Variants in RBFOX1 observed in about 807,000 individuals in gnomAD.
The protein encoded by RBFOX1 is RNA binding protein fox-1 homolog 1.
A neutral mutation model predicts 57.7 loss-of-function variants in RBFOX1; 8 were observed. The ratio of observed to expected loss-of-function variants is 0.14; its 90% confidence interval spans 0.08 to 0.25. RBFOX1 has a LOEUF of 0.25. RBFOX1 is among the 10% of genes least tolerant of loss of function. The pLI is 1.00. For missense variants in RBFOX1, 611 were observed against 548.5 expected (o/e 1.11, Z -1.14); for synonymous variants, 326 against 222.4 (o/e 1.47, Z -4.15).
At chr16:5,742,222 C>CCCTT (rs1220669679) in intron 3 of RBFOX1, among the ~76,000 whole-genome samples, 2 of 55,414 alleles carry the variant, frequency 3.6e-5, no homozygotes, top group Non-Finnish European at 8.4e-5. Context: ...TTTCCTTCCT[C>CCCTT]CCTTCCTTCC....
At chr16:5,535,670 T>C (rs530536369) in intron 2 of RBFOX1, among the ~76,000 whole-genome samples, 1 of 152,318 alleles carries the variant, frequency 6.6e-6, no homozygotes, top group South Asian at 2.1e-4. Flanking sequence ...TGTTTCTTGA[T>C]TGCAGAATTT....
intron 1 of RBFOX1, among the ~76,000 whole-genome samples, chr16:5,310,095 C>T (rs912147913): frequency 6.6e-6 from 1 of 152,206 alleles, no homozygotes; most frequent in Non-Finnish European, 1.5e-5. Context: ...CTTTCCTGAT[C>T]TGCCCTGGCT....
intron 4 of RBFOX1, among the ~76,000 whole-genome samples, chr16:7,338,070 C>G (rs1303520293): frequency 1.3e-5 from 2 of 152,240 alleles, no homozygotes; most frequent in South Asian, 2.1e-4. Flanking sequence ...TTTGTAAGTT[C>G]CAGGGTACAT....
At chr16:5,788,738 T>C (rs1433994304) in intron 3 of RBFOX1, among the ~76,000 whole-genome samples, 1 of 151,944 alleles carries the variant, frequency 6.6e-6, no homozygotes, top group African/African-American at 2.4e-5. Flanking sequence ...CACATACACA[T>C]ACACATTCAC....
chr16:7,658,972 A>T (rs1302834776), intron 12 of RBFOX1, among the ~76,000 whole-genome samples: 1 of 152,040 alleles, frequency 6.6e-6, no homozygotes, highest in Non-Finnish European at 1.5e-5. Context: ...TGATCTGCCC[A>T]CCTCAGCCTC....
At chr16:7,109,626 G>C (rs941151039) in intron 4 of RBFOX1, among the ~76,000 whole-genome samples, 5 of 152,126 alleles carry the variant, frequency 3.3e-5, no homozygotes, top group Non-Finnish European at 7.3e-5. Context: ...AGGGGAAAGG[G>C]CTCTAAGAGT....
intron 2 of RBFOX1, among the ~76,000 whole-genome samples, chr16:5,559,752 A>G (rs1436657043): frequency 6.6e-6 from 1 of 152,212 alleles, no homozygotes; most frequent in African/African-American, 2.4e-5. Context: ...AAAAGTCTTC[A>G]GTGATAACCA....
At chr16:5,397,041 AG>A (rs1370198252) in intron 1 of RBFOX1, among the ~76,000 whole-genome samples, 1 of 152,178 alleles carries the variant, frequency 6.6e-6, no homozygotes, top group Non-Finnish European at 1.5e-5. Flanking sequence ...TCCCTACCAA[AG>A]GTCATAATAG....
intron 3 of RBFOX1, among the ~76,000 whole-genome samples, chr16:6,761,049 C>G (rs180708051): frequency 5.9e-5 from 9 of 152,298 alleles, no homozygotes; most frequent in Admixed American, 2.0e-4. Context: ...TATAGCTTCA[C>G]ATTTTTGAAT....
chr16:5,711,521 A>C (rs2051486981), intron 3 of RBFOX1, among the ~76,000 whole-genome samples: 1 of 152,164 alleles, frequency 6.6e-6, no homozygotes, highest in South Asian at 2.1e-4. Flanking sequence ...TCAAAGCAGG[A>C]GGAGGAAGAG....
chr16:7,015,299 C>A (rs2093853815), intron 3 of RBFOX1, among the ~76,000 whole-genome samples: 1 of 152,114 alleles, frequency 6.6e-6, no homozygotes, highest in East Asian at 1.9e-4. Context: ...GCTCGCATTC[C>A]TGGGATTGTT....
chr16:5,360,853 G>C (rs1420377038), intron 1 of RBFOX1, among the ~76,000 whole-genome samples: 1 of 152,160 alleles, frequency 6.6e-6, no homozygotes, highest in East Asian at 1.9e-4. Flanking sequence ...AGGAGAGTAT[G>C]ACTGACTGAT....
chr16:5,454,846 TTTCTTTC>T (rs2068541048), intron 1 of RBFOX1, among the ~76,000 whole-genome samples: 1 of 134,250 alleles, frequency 7.4e-6, no homozygotes, highest in Non-Finnish European at 1.6e-5. Context: ...CTTTCCTTTC[TTTCTTTC>T]TTTTCTTTCT....
intron 4 of RBFOX1, among the ~76,000 whole-genome samples, chr16:5,994,607 A>G (rs758054904): frequency 1.4e-4 from 21 of 152,144 alleles, no homozygotes; most frequent in Non-Finnish European, 2.8e-4. Context: ...TGTAGGTCCT[A>G]CAGTCTCCAT....
intron 11 of RBFOX1, among the ~76,000 whole-genome samples, chr16:7,649,640 G>A (rs919131130): frequency 6.6e-6 from 1 of 152,100 alleles, no homozygotes; most frequent in African/African-American, 2.4e-5. Context: ...GGTGGTGGCT[G>A]TACTCTCCCA....
chr16:5,578,921 C>G (rs1264032984), intron 2 of RBFOX1, among the ~76,000 whole-genome samples: 3 of 148,594 alleles, frequency 2.0e-5, no homozygotes, highest in Non-Finnish European at 4.4e-5. Flanking sequence ...GATCTTGGCT[C>G]ACTGCAACCT....
At chr16:6,678,760 A>G (rs936535561) in intron 3 of RBFOX1, among the ~76,000 whole-genome samples, 2 of 152,098 alleles carry the variant, frequency 1.3e-5, no homozygotes, top group African/African-American at 4.8e-5. Flanking sequence ...CTAAGATACC[A>G]CTGACTTGAA....
At chr16:7,649,592 G>A (rs908851673) in intron 11 of RBFOX1, among the ~76,000 whole-genome samples, 1 of 152,116 alleles carries the variant, frequency 6.6e-6, no homozygotes, top group Non-Finnish European at 1.5e-5. Flanking sequence ...AGGTCACTTT[G>A]TACACAGGAC....
At chr16:6,776,266 C>G (rs1047242879) in intron 3 of RBFOX1, among the ~76,000 whole-genome samples, 15 of 151,890 alleles carry the variant, frequency 9.9e-5, no homozygotes, top group Admixed American at 7.9e-4. Context: ...AAAAAATTAG[C>G]CGGGCGTGGT....
Sources: allele counts gnomAD v4.1 joint callset (sites outside exome capture counted in the v4.1 genomes callset), GRCh38; gene constraint gnomAD v4.1.1; transcripts MANE v1.5; gene names NCBI Gene and HGNC (gene_info 2026-07-23, HGNC 2026-07-21).